HTR1F: variants seen among roughly 807,000 people sequenced by gnomAD.
HTR1F encodes the protein 5-hydroxytryptamine (serotonin) receptor 1F, G protein-coupled.
In HTR1F, 17 loss-of-function variants were observed where a neutral mutation model predicts 24.0. The ratio of observed to expected loss-of-function variants is 0.71; its 90% confidence interval spans 0.48 to 1.06. The LOEUF is 1.06. HTR1F is among the 50% of genes least tolerant of loss of function. HTR1F has a pLI of 0.00. For synonymous variants in HTR1F, 186 were observed against 156.8 expected (o/e 1.19, Z -1.39); for missense variants, 391 against 427.8 (o/e 0.91, Z 0.76).
In HTR1F at chr3:87,991,664, T is replaced by C. The variant is rs1460095162; in HGVS notation, c.915T>C (p.Cys305=). The C allele has an allele frequency of 6.2e-7, 1 of 1,613,388 alleles. No individual in the cohort carries two copies. Among genetic ancestry groups the C allele is most frequent in the South Asian group, 1.1e-5 (1 of 90,976 alleles). ...LGLILGAFVI[C]WLPFFVKELV... is the part of the protein sequence containing the mutation. ...TAATCTTGGGTGCATTTGTAATATG[T>C]TGGCTTCCTTTTTTTGTAAAAGAAT... Residue 305 remains cysteine, a synonymous_variant, in exon 3 of 3, where the codon TGT becomes TGC. Coordinates refer to ENST00000319595, the MANE Select transcript of HTR1F (RefSeq NM_001322209.2).
intron 1 of HTR1F, among the ~76,000 whole-genome samples, chr3:87,818,056 T>A (rs1704283769): frequency 6.6e-6 from 1 of 152,232 alleles, no homozygotes; most frequent in African/African-American, 2.4e-5. Flanking sequence ...TAATGAATTA[T>A]ACAAACAGTT....
chr3:87,961,100 GA>G (rs1705050834), intron 2 of HTR1F, among the ~76,000 whole-genome samples: 1 of 151,946 alleles, frequency 6.6e-6, no homozygotes, highest in South Asian at 2.1e-4. Context: ...ATGTCCAGTG[GA>G]AAGTAAAATA....
chr3:87,866,209 T>A (rs1356444861), intron 2 of HTR1F, among the ~76,000 whole-genome samples: 1 of 152,182 alleles, frequency 6.6e-6, no homozygotes, highest in Non-Finnish European at 1.5e-5. Flanking sequence ...CCAACTAGAA[T>A]ACTTAAAATA....
At chr3:87,913,443 C>T (rs979505404) in intron 2 of HTR1F, among the ~76,000 whole-genome samples, 1 of 152,058 alleles carries the variant, frequency 6.6e-6, no homozygotes, top group African/African-American at 2.4e-5. Flanking sequence ...ATAACAGATG[C>T]TAGTGAGTTT....
intron 2 of HTR1F, among the ~76,000 whole-genome samples, chr3:87,903,591 G>A (rs113330391): frequency 0.011 from 1,616 of 151,136 alleles, 26 homozygotes; most frequent in African/African-American, 0.036. Flanking sequence ...TCTCACACCA[G>A]TTAGAATGGC....
At chr3:87,874,834 G>T (rs1168964371) in intron 2 of HTR1F, among the ~76,000 whole-genome samples, 1 of 152,062 alleles carries the variant, frequency 6.6e-6, no homozygotes, top group Non-Finnish European at 1.5e-5. Context: ...AAGCCCAGAA[G>T]TATATGGTTA....
chr3:87,969,237 C>T (rs1316842031), intron 2 of HTR1F, among the ~76,000 whole-genome samples: 3 of 152,188 alleles, frequency 2.0e-5, no homozygotes, highest in Non-Finnish European at 4.4e-5. Context: ...GAAAAGAGCA[C>T]CGCTATCCTC....
intron 2 of HTR1F, among the ~76,000 whole-genome samples, chr3:87,987,586 C>G (rs1383513179): frequency 1.4e-5 from 2 of 144,150 alleles, no homozygotes; most frequent in Admixed American, 1.4e-4. Flanking sequence ...AGTCCAAGAG[C>G]TGGATGAAGA....
At chr3:87,829,884 C>T (rs1366335532) in intron 2 of HTR1F, among the ~76,000 whole-genome samples, 2 of 151,988 alleles carry the variant, frequency 1.3e-5, no homozygotes, top group African/African-American at 4.8e-5. Context: ...CAATTAGAGC[C>T]AGTAATTAAT....
At chr3:87,828,567 C>A (rs1396616249) in intron 2 of HTR1F, among the ~76,000 whole-genome samples, 1 of 152,128 alleles carries the variant, frequency 6.6e-6, no homozygotes, top group African/African-American at 2.4e-5. Flanking sequence ...TGACATCTCA[C>A]CCAAGGAAGA....
chr3:87,903,242 A>C (rs1354269655), intron 2 of HTR1F, among the ~76,000 whole-genome samples: 1 of 149,888 alleles, frequency 6.7e-6, no homozygotes, highest in African/African-American at 2.4e-5. Context: ...AAAACACCAA[A>C]AGCAATGGCA....
At chr3:87,984,148 A>C (rs1340905427) in intron 2 of HTR1F, among the ~76,000 whole-genome samples, 2 of 152,176 alleles carry the variant, frequency 1.3e-5, no homozygotes, top group African/African-American at 2.4e-5. Flanking sequence ...TGTCTGATGC[A>C]TCCTGCATTT....
intron 1 of HTR1F, among the ~76,000 whole-genome samples, chr3:87,803,553 C>T (rs976506088): frequency 6.6e-6 from 1 of 152,080 alleles, no homozygotes; most frequent in African/African-American, 2.4e-5. Context: ...AGAAAGGTTA[C>T]AGTAAAACCA....
At chr3:87,967,135 A>C (rs1705182211) in intron 2 of HTR1F, among the ~76,000 whole-genome samples, 1 of 152,152 alleles carries the variant, frequency 6.6e-6, no homozygotes, top group Non-Finnish European at 1.5e-5. Context: ...TTTTGCTTAT[A>C]GTACCTCTTC....
At chr3:87,796,517 G>C (rs1333013253) in intron 1 of HTR1F, among the ~76,000 whole-genome samples, 1 of 152,136 alleles carries the variant, frequency 6.6e-6, no homozygotes, top group African/African-American at 2.4e-5. Context: ...GTATTTAAAG[G>C]ATCAAGCTGA....
intron 2 of HTR1F, among the ~76,000 whole-genome samples, chr3:87,853,913 TA>T (rs1194920619): frequency 1.3e-5 from 2 of 152,092 alleles, no homozygotes; most frequent in Admixed American, 6.6e-5. Flanking sequence ...TGGGGTTATT[TA>T]TTTTTTTCTT....
chr3:87,931,436 T>C (rs1232697266), intron 2 of HTR1F, among the ~76,000 whole-genome samples: 1 of 152,216 alleles, frequency 6.6e-6, no homozygotes, highest in African/African-American at 2.4e-5. Flanking sequence ...ATTTTCTTAA[T>C]CCAGTCTATC....
chr3:87,937,053 A>T (rs189300204), intron 2 of HTR1F, among the ~76,000 whole-genome samples: 1 of 147,584 alleles, frequency 6.8e-6, no homozygotes, highest in Non-Finnish European at 1.5e-5. Context: ...TGTACAAAGA[A>T]GAGCTGGTAC....
intron 2 of HTR1F, among the ~76,000 whole-genome samples, chr3:87,888,655 T>C (rs1256780768): frequency 1.3e-5 from 2 of 152,120 alleles, no homozygotes; most frequent in Non-Finnish European, 2.9e-5. Flanking sequence ...ACTAAATAAT[T>C]AGTGGCTATA....
Sources: gnomAD v4.1 joint callset for allele counts (sites outside exome capture counted in the v4.1 genomes callset) on GRCh38, gnomAD v4.1.1 for gene constraint, MANE v1.5 for transcripts, NCBI Gene and HGNC (gene_info 2026-07-23, HGNC 2026-07-21) for gene names.